Variants in RPL23A observed in about 807,000 individuals in gnomAD.
RPL23A encodes large ribosomal subunit protein uL23.
In RPL23A, 2 loss-of-function variants were observed where a neutral mutation model predicts 17.6. That is an observed-to-expected ratio of 0.11 (90% CI 0.05 to 0.36). The LOEUF is 0.36. Ranked by LOEUF, RPL23A falls within the 10% of genes least tolerant of loss-of-function variation. RPL23A has a pLI of 1.00. For missense variants in RPL23A, 132 were observed against 194.4 expected (o/e 0.68, Z 1.91); for synonymous variants, 65 against 74.3 (o/e 0.87, Z 0.65).
chr17:28,722,640 T>A, intron 2 of RPL23A, 83 bp from the exon 3 acceptor site: 1 of 1,105,550 alleles, frequency 9.0e-7, no homozygotes, highest in South Asian at 1.2e-5. Context: ...TGGTACCTCG[T>A]TGTCTGATGC....
rs375777992 is a variant in RPL23A, at chr17:28,723,975, C to CCA, written c.*106_*107dup. 48 of 815,240 alleles carry CCA rather than the reference C, an allele frequency of 5.9e-5. No homozygotes were observed. The highest frequency in any genetic ancestry group is 3.5e-4 in the Middle Eastern group (1 of 2,826). The allele number at this position is 815,240 out of a possible 1,614,324, so 50.5% of individuals were successfully genotyped here. On this transcript the variant is annotated 3_prime_UTR_variant, in exon 5 of 5. Coordinates refer to ENST00000422514, the MANE Select transcript of RPL23A (RefSeq NM_000984.6). ...GTCAATTTCTGGTTGGGCTGGGAGG[C>CCA]CACACACACACACTGACATGACAGG...
At chr17:28,721,124 G>T (rs563157978) in intron 2 of RPL23A, 15 of 414,532 alleles carry the variant, frequency 3.6e-5, no homozygotes, top group African/African-American at 1.8e-4. Flanking sequence ...GGCCGAGGGG[G>T]GGCGGATCAC....
chr17:28,722,197 C>A (rs371042009), intron 2 of RPL23A, among the ~76,000 whole-genome samples: 1 of 149,840 alleles, frequency 6.7e-6, no homozygotes, highest in South Asian at 2.1e-4. Flanking sequence ...TGCAGCGAGC[C>A]GAGATCCTGT....
intron 1 of RPL23A, chr17:28,720,348 A>T: frequency 6.4e-7 from 1 of 1,552,392 alleles, no homozygotes; most frequent in Non-Finnish European, 8.7e-7. Context: ...TAGTGCCCTC[A>T]GCTTTAACCA....
Position 28,720,836 on chromosome 17 carries a change from T to A in RPL23A, c.155T>A (p.Leu52Gln). The change falls in exon 2 of 5, where the codon CTG becomes CAG. Residue 52 changes from leucine (L) to glutamine (Q), a missense_variant. Transcript: ENST00000422514. ...CCCACCTTCCGGCGGCCGAAGACAC[T>A]GCGACTCCGGAGACAGCCCAAATAT... is the stretch of plus-strand genomic sequence containing the variant. The part of the protein sequence containing the change: ...TSPTFRRPKT[L>Q]RLRRQPKYPR... 1 of 1,614,038 alleles carries A rather than the reference T, an allele frequency of 6.2e-7. No homozygotes were observed. The highest frequency in any genetic ancestry group is 8.5e-7 in the Non-Finnish European group (1 of 1,179,910).
In RPL23A at chr17:28,720,785, A is replaced by G; in HGVS notation, c.104A>G (p.His35Arg). The change falls in exon 2 of 5, where the codon CAC becomes CGC. Residue 35 changes from histidine (H) to arginine (R), a missense_variant. By Grantham distance (29) the His-to-Arg change is conservative. Around this residue, in one of 2 missense-constraint regions of RPL23A, gnomAD observed 63 missense variants for 48.9 expected, o/e 1.29. Transcript: ENST00000422514. ...GCAGTGTTGAAAGGTGTCCACAGCC[A>G]CAAAAAGAAGAAGATCCGCACGTCA... ...KKAVLKGVHS[H>R]KKKKIRTSPT... 6.2e-7 allele frequency: 1 copy of G among 1,613,334 alleles called. No homozygotes were observed. The highest frequency in any genetic ancestry group is 1.3e-5 in the African/African-American group (1 of 75,036).
chr17:28,722,245 CAAA>C lies in RPL23A; in HGVS notation c.210-462_210-460del, dbSNP rs57128027. Among the ~76,000 whole-genome samples, 182 of 127,158 alleles carry C rather than the reference CAAA, an allele frequency of 1.4e-3. 1 individual carries two copies. Among genetic ancestry groups the C allele is most frequent in the Middle Eastern group, 4.0e-3 (1 of 250 alleles). The allele number at this position is 127,158 out of a possible 152,430, so 83.4% of individuals were successfully genotyped here. On this transcript the variant is annotated intron_variant, in intron 2 of 4. Coordinates refer to ENST00000422514, the MANE Select transcript of RPL23A (RefSeq NM_000984.6). ...GCCTGGGCGAAGCGAGACTCTGTCTCAAAAAAAAAAAAAAAAAAGGAATTTGCC... is the reference window on the plus strand; with the variant it reads ...GCCTGGGCGAAGCGAGACTCTGTCTCAAAAAAAAAAAAAAAGGAATTTGCC...
In RPL23A at chr17:28,722,735, T is replaced by C. The variant is rs1208019273; in HGVS notation, c.222T>C (p.Tyr74=). 1 of 1,614,104 alleles carries C rather than the reference T, an allele frequency of 6.2e-7. No individual in the cohort carries two copies. The change falls in exon 3 of 5, where the codon TAT becomes TAC. Residue 74 remains tyrosine, a synonymous_variant. Coordinates refer to ENST00000422514, the MANE Select transcript of RPL23A (RefSeq NM_000984.6). ...TTGCCTCTCCCAGGCTTGACCACTA[T>C]GCTATCATCAAGTTTCCGCTGACCA... ...SAPRRNKLDH[Y]AIIKFPLTTE...
chr17:28,720,394 A>G (rs757885295), intron 1 of RPL23A: 28 of 1,582,708 alleles, frequency 1.8e-5, no homozygotes, highest in Non-Finnish European at 2.3e-5. Context: ...GGGCTACATT[A>G]CCCGCCCCTC....
chr17:28,723,766 A>G, intron 4 of RPL23A, 101 bp from the exon 5 acceptor site: 1 of 1,394,368 alleles, frequency 7.2e-7, no homozygotes, highest in Non-Finnish European at 1.0e-6. Context: ...TATCCTTGAC[A>G]AACCTTATCC....
chr17:28,723,313 C>T, intron 3 of RPL23A: 1 of 657,668 alleles, frequency 1.5e-6, no homozygotes. Context: ...GTCCCTACTT[C>T]TATTGGGAAA....
Position 28,723,622 on chromosome 17 carries a change from T to C in RPL23A, c.438T>C (p.Ala146=). The C allele has an allele frequency of 6.2e-7, 1 of 1,614,014 alleles. No individual in the cohort carries two copies. The change falls in exon 4 of 5, where the codon GCT becomes GCC. Residue 146 remains alanine (A), a synonymous_variant. Coordinates refer to ENST00000422514, the MANE Select transcript of RPL23A (RefSeq NM_000984.6). Reference sequence around the variant, plus strand: ...TTCGACTGGCTCCTGATTACGATGCTTTGGATGTTGCCAACAAAGTAAGTT... The same window carrying C: ...TTCGACTGGCTCCTGATTACGATGCCTTGGATGTTGCCAACAAAGTAAGTT... ...AYVRLAPDYD[A]LDVANKIGII
intron 2 of RPL23A, chr17:28,721,117 C>T (rs1173733487): frequency 4.8e-6 from 2 of 418,886 alleles, no homozygotes; most frequent in East Asian, 1.0e-4. Context: ...TTTGGGAGGC[C>T]GAGGGGGGGC....
At chr17:28,720,401 C>T (rs754623088) in intron 1 of RPL23A, 12 of 1,590,148 alleles carry the variant, frequency 7.5e-6, no homozygotes, top group Non-Finnish European at 9.4e-6. Flanking sequence ...ATTACCCGCC[C>T]CTCTCTCCGC....
At chr17:28,722,669 C>T (rs1350686125) in intron 2 of RPL23A, 54 bp from the exon 3 acceptor site, 3 of 1,478,690 alleles carry the variant, frequency 2.0e-6, no homozygotes, top group African/African-American at 2.8e-5. Context: ...TCTCCTGGCT[C>T]TGGGCTCCAA....
chr17:28,723,437 G>C lies in RPL23A; in HGVS notation c.387-134G>C, dbSNP rs1362362305. 5.0e-6 allele frequency: 4 copies of C among 799,746 alleles called. No homozygotes were observed. The East Asian group carries it at 9.7e-5, about 19-fold the overall frequency. 49.5% of individuals were successfully genotyped at this position (799,746 alleles called of 1,614,324 possible). A position where few individuals can be genotyped will look rare whatever the true frequency, so the allele number is the denominator to read the frequency against. On this transcript the variant is annotated intron_variant, in intron 3 of 4. Transcript: ENST00000422514. ...GCTTCATGGTGTCCTCTGGGCTAAT[G>C]ATGGAAAAATCATTATTGGAAAAGA...
At chr17:28,722,457 A>G (rs1025741180) in intron 2 of RPL23A, 23 of 572,686 alleles carry the variant, frequency 4.0e-5, no homozygotes, top group African/African-American at 3.3e-4. Flanking sequence ...GAATACAGCC[A>G]TGAGCCAGCA....
rs1428405330 is a variant in RPL23A, at chr17:28,721,057, GGATC to G, written c.209+168_209+171del. 7 of 668,878 alleles carry G rather than the reference GGATC, an allele frequency of 1.0e-5. No homozygotes were observed. The African/African-American group carries it at 1.3e-4, about 12-fold the overall frequency. The allele number at this position is 668,878 out of a possible 1,614,324, so 41.4% of individuals were successfully genotyped here. A position where few individuals can be genotyped will look rare whatever the true frequency, so the allele number is the denominator to read the frequency against. ...TTCTGCTGCATTTACAAAACTGGCAGGATCAGCCCAGAGGCCGGGCGCGGTGGCT... is the reference window on the plus strand; with the variant it reads ...TTCTGCTGCATTTACAAAACTGGCAGAGCCCAGAGGCCGGGCGCGGTGGCT... On this transcript the variant is annotated intron_variant, in intron 2 of 4. Transcript: ENST00000422514.
In RPL23A at chr17:28,723,280, G is replaced by C. The variant is rs944211824; in HGVS notation, c.387-291G>C. 1.2e-4 allele frequency: 70 copies of C among 576,492 alleles called. No homozygotes were observed. The Middle Eastern group carries it at 1.4e-3, about 11-fold the overall frequency. 35.7% of individuals were successfully genotyped at this position (576,492 alleles called of 1,614,324 possible). A position where few individuals can be genotyped will look rare whatever the true frequency, so the allele number is the denominator to read the frequency against. ...ACCTGAGGCTTTCTAGGACTTGATT[G>C]GGGGTTGGTCCTCATTTTCTGGGTC... On this transcript the variant is annotated intron_variant, in intron 3 of 4. Transcript: ENST00000422514.
Sources: gnomAD v4.1 joint callset for allele counts (sites outside exome capture counted in the v4.1 genomes callset) on GRCh38, gnomAD v4.1.1 for gene constraint, gnomAD v4.1.1 regional missense constraint, MANE v1.5 for transcripts, NCBI Gene and HGNC (gene_info 2026-07-23, HGNC 2026-07-21) for gene names.